The following ATP8A2 variants were observed in gnomAD, a reference collection of about 807,000 sequenced individuals.
ATP8A2 encodes ATPase phospholipid transporting 8A2.
Under a neutral mutation model 165.6 loss-of-function variants are expected in ATP8A2, and 100 were observed. The ratio of observed to expected loss-of-function variants is 0.60; its 90% CI spans 0.51 to 0.71. The LOEUF (loss-of-function observed/expected upper bound fraction) is 0.71. Among genes scored for constraint, ATP8A2 ranks in the 30% least tolerant of loss-of-function variants. The pLI is 0.00. For synonymous variants in ATP8A2, 543 were observed against 548.8 expected (o/e 0.99, Z 0.15); for missense variants, 1,227 against 1,479.5 (o/e 0.83, Z 2.80).
At chr13:25,525,509 C>A (rs1321465588) in intron 2 of ATP8A2, among the ~76,000 whole-genome samples, 2 of 152,114 alleles carry the variant, frequency 1.3e-5, no homozygotes, top group Non-Finnish European at 2.9e-5. Context: ...GGTAAATTTT[C>A]TCAGCTTTTG....
chr13:25,516,714 T>G (rs936806254), intron 2 of ATP8A2, among the ~76,000 whole-genome samples: 11 of 151,768 alleles, frequency 7.2e-5, no homozygotes, highest in African/African-American at 2.7e-4. Context: ...ATAAATCTCA[T>G]AACTCTTTTT....
chr13:25,769,363 C>T (rs553280307), intron 26 of ATP8A2, 134 bp downstream of exon 26: 11 of 821,884 alleles, frequency 1.3e-5, no homozygotes, highest in African/African-American at 1.2e-4. Context: ...GATGAAACCC[C>T]GGGGATATTT....
intron 35 of ATP8A2, among the ~76,000 whole-genome samples, chr13:26,001,030 C>T (rs1375073604): frequency 6.6e-6 from 1 of 152,214 alleles, no homozygotes; most frequent in East Asian, 1.9e-4. Flanking sequence ...GTCCTTCCCA[C>T]TTCCTTTCCC....
At chr13:25,814,721 A>G (rs1220959726) in intron 27 of ATP8A2, among the ~76,000 whole-genome samples, 2 of 152,154 alleles carry the variant, frequency 1.3e-5, no homozygotes, top group African/African-American at 4.8e-5. Context: ...CACCATATGA[A>G]AAAGATAATT....
intron 27 of ATP8A2, among the ~76,000 whole-genome samples, chr13:25,810,618 C>T (rs946962861): frequency 6.6e-6 from 1 of 151,914 alleles, no homozygotes; most frequent in African/African-American, 2.4e-5. Context: ...CCTTTCCAAC[C>T]TTACAGATAT....
intron 1 of ATP8A2, among the ~76,000 whole-genome samples, chr13:25,468,575 C>A (rs1357017893): frequency 2.0e-5 from 3 of 152,176 alleles, no homozygotes; most frequent in African/African-American, 4.8e-5. Context: ...AGGGTACGCT[C>A]GGCCAGATGG....
At chr13:25,622,393 GA>G (rs1449880957) in intron 24 of ATP8A2, among the ~76,000 whole-genome samples, 2 of 152,012 alleles carry the variant, frequency 1.3e-5, no homozygotes, top group African/African-American at 4.8e-5. Context: ...GAAGGAAGGA[GA>G]AGGCTACCAC....
At chr13:25,640,107 T>C (rs1379238414) in intron 24 of ATP8A2, among the ~76,000 whole-genome samples, 7 of 152,198 alleles carry the variant, frequency 4.6e-5, no homozygotes, top group African/African-American at 1.4e-4. Context: ...TAAAGCAGTG[T>C]GTAGAGGGAA....
At chr13:25,881,213 A>T (rs1484574116) in intron 33 of ATP8A2, among the ~76,000 whole-genome samples, 1 of 152,130 alleles carries the variant, frequency 6.6e-6, no homozygotes, top group African/African-American at 2.4e-5. Context: ...GCCAGGGGTA[A>T]CTAGCAAAGC....
At chr13:25,913,514 C>G (rs1483313795) in intron 33 of ATP8A2, among the ~76,000 whole-genome samples, 1 of 152,078 alleles carries the variant, frequency 6.6e-6, no homozygotes, top group Admixed American at 6.6e-5. Flanking sequence ...TGTTAGTTCT[C>G]AAGTTTATTA....
At chr13:25,412,254 T>C (rs1351514261) in intron 1 of ATP8A2, among the ~76,000 whole-genome samples, 1 of 152,162 alleles carries the variant, frequency 6.6e-6, no homozygotes, top group Non-Finnish European at 1.5e-5. Flanking sequence ...TATTTAATGA[T>C]GGGCAGCAGT....
At chr13:25,444,115 G>A (rs2035007563) in intron 1 of ATP8A2, among the ~76,000 whole-genome samples, 1 of 152,138 alleles carries the variant, frequency 6.6e-6, no homozygotes, top group Non-Finnish European at 1.5e-5. Context: ...CCTGCCAAGT[G>A]CAATCACTGT....
intron 35 of ATP8A2, among the ~76,000 whole-genome samples, chr13:26,001,043 A>G (rs545713843): frequency 2.9e-4 from 44 of 151,496 alleles, no homozygotes; most frequent in Non-Finnish European, 5.8e-4. Flanking sequence ...CCTTTCCCCC[A>G]CCTCCCTGCC....
chr13:25,392,026 C>A (rs571121361), intron 1 of ATP8A2, among the ~76,000 whole-genome samples: 1 of 152,208 alleles, frequency 6.6e-6, no homozygotes. Flanking sequence ...GCTGGGTCTG[C>A]TTGTTTAGTG....
chr13:25,372,115 T>A lies in ATP8A2; in HGVS notation c.-98T>A. The A allele has an allele frequency of 1.2e-6, 1 of 834,854 alleles. No individual in the cohort carries two copies. Among genetic ancestry groups the A allele is most frequent in the Non-Finnish European group, 1.6e-6 (1 of 629,050 alleles). The allele number at this position is 834,854 out of a possible 1,614,324, so 51.7% of individuals were successfully genotyped here. A position where few individuals can be genotyped will look rare whatever the true frequency, so the allele number is the denominator to read the frequency against. On this transcript the variant is annotated 5_prime_UTR_variant, in exon 1 of 37. Coordinates refer to ENST00000381655, the MANE Select transcript of ATP8A2 (RefSeq NM_016529.6). The surrounding 1 kb of genome is among the most constrained non-coding windows in gnomAD (Gnocchi z 4.8). Reference sequence around the variant, plus strand: ...GCCAGCTAGCAGCCCGGCGAGGCGCTGGCCCACCCATGGTCCTCGGGCGGC... The same window carrying A: ...GCCAGCTAGCAGCCCGGCGAGGCGCAGGCCCACCCATGGTCCTCGGGCGGC...
chr13:25,935,673 C>T (rs1028376202), intron 33 of ATP8A2, among the ~76,000 whole-genome samples: 16 of 152,034 alleles, frequency 1.1e-4, no homozygotes, highest in Non-Finnish European at 1.9e-4. Context: ...CTTTAAGCAA[C>T]GAGATCTCCT....
chr13:25,872,426 T>G (rs1280276799), intron 33 of ATP8A2, among the ~76,000 whole-genome samples: 4 of 152,184 alleles, frequency 2.6e-5, no homozygotes, highest in African/African-American at 9.7e-5. Flanking sequence ...TGCCTGAAGC[T>G]AGAGCCATCT....
intron 30 of ATP8A2, 62 bp downstream of exon 30, chr13:25,839,686 G>T: frequency 7.1e-7 from 1 of 1,411,056 alleles, no homozygotes; most frequent in East Asian, 2.3e-5. Flanking sequence ...CTGCCTGTGT[G>T]TTCACAATTT....
chr13:25,899,662 G>A (rs1017179261), intron 33 of ATP8A2, among the ~76,000 whole-genome samples: 2 of 152,112 alleles, frequency 1.3e-5, no homozygotes, highest in African/African-American at 4.8e-5. Context: ...TGAGGACAGG[G>A]CCACAGTCAG....
Sources: gnomAD v4.1 joint callset for allele counts (sites outside exome capture counted in the v4.1 genomes callset) on GRCh38, gnomAD v4.1.1 for gene constraint, Gnocchi (gnomAD v3.1) non-coding constraint, MANE v1.5 for transcripts, NCBI Gene and HGNC (gene_info 2026-07-23, HGNC 2026-07-21) for gene names.